Variants in NFASC observed in about 807,000 individuals in gnomAD.
NFASC encodes neurofascin.
Under a neutral mutation model 147.5 loss-of-function variants are expected in NFASC, and 43 were observed. That is an observed-to-expected ratio of 0.29 (90% CI 0.23 to 0.38). NFASC has a LOEUF of 0.38. Ranked by LOEUF, NFASC falls within the 10% of genes least tolerant of loss-of-function variation. The probability of loss-of-function intolerance (pLI) is 1.00; values close to 1 mark genes in which losing one functional copy is unlikely to be tolerated. For synonymous variants in NFASC, 622 were observed against 665.5 expected (o/e 0.93, Z 1.01); for missense variants, 1,320 against 1,689.0 (o/e 0.78, Z 3.83).
In NFASC at chr1:204,925,660, C is replaced by G. The variant is rs1009750876; in HGVS notation, c.-91+4920C>G. On this transcript the variant is annotated intron_variant, in intron 2 of 29. Transcript: ENST00000339876. ...CTCTTTTCCCCAACCCAAGTTTCTT[C>G]TGCTACAGTCTTGCCCCTCTTTCTT... Among the ~76,000 whole-genome samples the G allele has an allele frequency of 2.0e-5, 3 of 152,236 alleles. No individual in the cohort carries two copies. In the East Asian group the frequency reaches 5.8e-4, roughly 29 times the overall value.
chr1:204,860,176 A>G (rs1009336839), intron 1 of NFASC, among the ~76,000 whole-genome samples: 2 of 152,150 alleles, frequency 1.3e-5, no homozygotes, highest in African/African-American at 4.8e-5. Flanking sequence ...GTTGTAATCA[A>G]ATGGCCATGA....
chr1:204,967,953 C>CATTA, intron 8 of NFASC: 3 of 316,608 alleles, frequency 9.5e-6, no homozygotes, highest in Admixed American at 4.6e-5. Flanking sequence ...TCGCACTGCT[C>CATTA]AGACAGCCCC....
chr1:204,973,515 G>A (rs994116014), intron 12 of NFASC, 96 bp downstream of exon 12: 62 of 1,463,854 alleles, frequency 4.2e-5, no homozygotes, highest in Admixed American at 1.0e-4. Context: ...TTTCTTCTCC[G>A]GGGATTGGCC....
chr1:204,987,645 G>C lies in NFASC; in HGVS notation c.2593+105G>C. 1 of 1,352,046 alleles carries C rather than the reference G, an allele frequency of 7.4e-7. No homozygotes were observed. Among genetic ancestry groups the C allele is most frequent in the Non-Finnish European group, 1.0e-6 (1 of 964,148 alleles). The allele number at this position is 1,352,046 out of a possible 1,614,324, so 83.8% of individuals were successfully genotyped here. On this transcript the variant is annotated intron_variant, in intron 22 of 29. Transcript: ENST00000339876. The surrounding 1 kb of genome is among the most constrained non-coding windows in gnomAD (Gnocchi z 4.4). ...GGTAGAAAGCCTGTGGGTGCAGATG[G>C]CATTGTGGAGGGATGGAGGGGCCAA...
intron 23 of NFASC, chr1:204,989,533 T>G (rs2095678879): frequency 6.6e-6 from 1 of 152,314 alleles, no homozygotes; most frequent in Non-Finnish European, 1.5e-5. Flanking sequence ...ATCAGGGGAA[T>G]GTGCAGTCTG....
At chr1:204,959,188 G>T (rs2150085070) in intron 8 of NFASC, among the ~76,000 whole-genome samples, 1 of 147,680 alleles carries the variant, frequency 6.8e-6, no homozygotes, top group South Asian at 2.1e-4. Context: ...ACTCCATTCT[G>T]CCCTCCTCTA....
At chr1:204,969,104 GGCAAT>G in intron 10 of NFASC, 122 bp downstream of exon 10, 1 of 845,978 alleles carries the variant, frequency 1.2e-6, no homozygotes, top group Non-Finnish European at 1.8e-6. Flanking sequence ...ACTGCTCAGT[GGCAAT>G]GGCGATCTGC....
chr1:204,830,004 GGGGTGTGTGTGTGTGT>G (rs1388411065), intron 1 of NFASC, among the ~76,000 whole-genome samples: 14 of 91,330 alleles, frequency 1.5e-4, no homozygotes, highest in African/African-American at 4.3e-4. Context: ...ATTTTGGCAT[GGGGTGTGTGTGTGTGT>G]GTGTGTGTGT....
At chr1:205,012,295 AGGTGTGTAC>A (rs973361132) in intron 28 of NFASC, among the ~76,000 whole-genome samples, 2 of 152,306 alleles carry the variant, frequency 1.3e-5, no homozygotes, top group African/African-American at 4.8e-5. Context: ...TCCATCCCAT[AGGTGTGTAC>A]GGCGTGTCTT....
At chr1:204,884,695 A>G (rs1026026361) in intron 1 of NFASC, among the ~76,000 whole-genome samples, 1 of 152,302 alleles carries the variant, frequency 6.6e-6, no homozygotes, top group Non-Finnish European at 1.5e-5. Flanking sequence ...TCTGAGGATT[A>G]GCTGAGGTCG....
intron 1 of NFASC, among the ~76,000 whole-genome samples, chr1:204,876,308 C>T (rs2103127113): frequency 6.6e-6 from 1 of 152,210 alleles, no homozygotes; most frequent in South Asian, 2.1e-4. Context: ...TCCACCGCCA[C>T]CCCACAGCCC....
intron 1 of NFASC, among the ~76,000 whole-genome samples, chr1:204,859,132 C>G (rs2076444145): frequency 6.6e-6 from 1 of 152,294 alleles, no homozygotes; most frequent in Middle Eastern, 3.4e-3. Flanking sequence ...CGCATGCCAA[C>G]ACGCCTGGCT....
intron 16 of NFASC, 165 bp downstream of exon 16, chr1:204,976,960 A>G (rs935134605): frequency 2.1e-6 from 3 of 1,398,454 alleles, no homozygotes. Context: ...GGGAGCTGCC[A>G]GTTTCAGAAC....
At chr1:204,834,196 C>T (rs940717443) in intron 1 of NFASC, among the ~76,000 whole-genome samples, 1 of 151,848 alleles carries the variant, frequency 6.6e-6, no homozygotes, top group Non-Finnish European at 1.5e-5. Flanking sequence ...TGGTCCATGC[C>T]GCAAAGTCTT....
chr1:204,894,597 G>A (rs2083043633), intron 1 of NFASC, among the ~76,000 whole-genome samples: 1 of 152,066 alleles, frequency 6.6e-6, no homozygotes, highest in Non-Finnish European at 1.5e-5. Context: ...TTTCTAGTTG[G>A]GATGCTAAAC....
chr1:204,944,369 C>T lies in NFASC; in HGVS notation c.54C>T (p.Leu18=). ...TCCATGCAGCCTTCCTCCTCTGCCT[C>T]CTCAGTCTTGGCGGAGCCATCGAAA... The part of the protein sequence containing the change: ...PWVHAAFLLC[L]LSLGGAIEIP... Residue 18 remains leucine, a synonymous_variant, in exon 3 of 30, where the codon CTC becomes CTT. Coordinates refer to ENST00000339876, the MANE Select transcript of NFASC (RefSeq NM_001005388.3). 6 of 1,613,160 alleles carry T rather than the reference C, an allele frequency of 3.7e-6. No individual in the cohort carries two copies. Among genetic ancestry groups the T allele is most frequent in the African/African-American group, 1.3e-5 (1 of 74,998 alleles).
chr1:204,830,381 T>C (rs1671865803), intron 1 of NFASC, among the ~76,000 whole-genome samples: 2 of 152,068 alleles, frequency 1.3e-5, no homozygotes, highest in Non-Finnish European at 2.9e-5. Context: ...GTGGGGGCAG[T>C]GGAGGAAGGC....
intron 3 of NFASC, chr1:204,946,872 C>T (rs1376848217): frequency 3.7e-5 from 17 of 461,606 alleles, no homozygotes; most frequent in South Asian, 1.7e-4. Context: ...CGCCCTGGAC[C>T]GCCTCATGGT....
At chr1:204,938,864 T>C (rs2093109481) in intron 2 of NFASC, among the ~76,000 whole-genome samples, 1 of 152,188 alleles carries the variant, frequency 6.6e-6, no homozygotes, top group African/African-American at 2.4e-5. Flanking sequence ...GGAATCTGTA[T>C]GTTTGAAGAG....
Sources: allele counts gnomAD v4.1 joint callset (sites outside exome capture counted in the v4.1 genomes callset), GRCh38; gene constraint gnomAD v4.1.1; non-coding constraint Gnocchi (gnomAD v3.1); transcripts MANE v1.5; gene names NCBI Gene and HGNC (gene_info 2026-07-23, HGNC 2026-07-21).